Variants in NEDD4 observed in about 807,000 individuals in gnomAD.
NEDD4 encodes the protein NEDD4 E3 ubiquitin protein ligase, also known as E3 ubiquitin-protein ligase NEDD4.
A neutral mutation model predicts 144.9 loss-of-function variants in NEDD4; 99 were observed. The observed-to-expected ratio is 0.68, with a 90% CI of 0.58 to 0.81. NEDD4 has a LOEUF of 0.81. NEDD4 is among the 30% of genes least tolerant of loss of function. The pLI, the probability that NEDD4 is intolerant of heterozygous loss-of-function variation, is 0.00. For synonymous variants in NEDD4, 318 were observed against 350.6 expected, an observed-to-expected ratio of 0.91 and a Z score of 1.04; for missense variants, 985 against 1,065.9, an observed-to-expected ratio of 0.92 and a Z score of 1.06.
At chr15:55,879,079 C>T (rs1169276607) in intron 5 of NEDD4, among the ~76,000 whole-genome samples, 2 of 152,194 alleles carry the variant, frequency 1.3e-5, no homozygotes, top group Non-Finnish European at 2.9e-5. Flanking sequence ...CTGACTTGGA[C>T]TCCCAAAGTG....
At chr15:55,852,393 T>C in intron 13 of NEDD4, 31 bp downstream of exon 13, 1 of 1,595,680 alleles carries the variant, frequency 6.3e-7, no homozygotes, top group Middle Eastern at 1.7e-4. Flanking sequence ...TTAAATCCTG[T>C]AAGAAAGCAA....
At chr15:55,872,169 G>A (rs549378072) in intron 7 of NEDD4, among the ~76,000 whole-genome samples, 1 of 152,106 alleles carries the variant, frequency 6.6e-6, no homozygotes, top group Admixed American at 6.6e-5. Context: ...ATAAGTATTA[G>A]GAGAACGAAT....
intron 15 of NEDD4, 52 bp downstream of exon 15, chr15:55,848,754 C>A (rs377309836): frequency 3.2e-5 from 49 of 1,533,070 alleles, no homozygotes; most frequent in Non-Finnish European, 4.2e-5. Context: ...CCCGAAAATG[C>A]AAAATATTTG....
At chr15:55,916,679 C>G in intron 5 of NEDD4, 2 of 1,614,040 alleles carry the variant, frequency 1.2e-6, no homozygotes, top group African/African-American at 1.3e-5. Flanking sequence ...GTCTGGGAGT[C>G]AGCTTCATTT....
chr15:55,941,225 G>A (rs1235727232), intron 4 of NEDD4, among the ~76,000 whole-genome samples: 2 of 151,608 alleles, frequency 1.3e-5, no homozygotes, highest in Non-Finnish European at 2.9e-5. Context: ...CCATTTTCTT[G>A]TCCATTGATT....
chr15:55,861,317 T>G lies in NEDD4; in HGVS notation c.675-539A>C, dbSNP rs1049734816. Among the ~76,000 whole-genome samples the G allele has an allele frequency of 2.0e-5, 3 of 152,238 alleles. No homozygotes were observed. The East Asian group carries it at 5.8e-4, about 29-fold the overall frequency. On this transcript the variant is annotated intron_variant, in intron 9 of 28. Transcript: ENST00000435532. ...GGTTTAGGAATTACATATCTATTAG[T>G]AATGGTATCTGTTTTTCGTAATATA... is the stretch of plus-strand genomic sequence containing the variant.
chr15:55,977,263 T>C (rs577332886), intron 1 of NEDD4, among the ~76,000 whole-genome samples: 1 of 152,330 alleles, frequency 6.6e-6, no homozygotes, highest in South Asian at 2.1e-4. Flanking sequence ...TTTCTATGTT[T>C]TGGTACACAA....
chr15:55,831,524 G>A (rs2032950039), intron 27 of NEDD4, among the ~76,000 whole-genome samples: 1 of 152,168 alleles, frequency 6.6e-6, no homozygotes, highest in South Asian at 2.1e-4. Flanking sequence ...GAAGATGGAG[G>A]AAGGGGAGTC....
chr15:55,879,190 A>G (rs1320616474), intron 5 of NEDD4, among the ~76,000 whole-genome samples: 1 of 152,250 alleles, frequency 6.6e-6, no homozygotes, highest in African/African-American at 2.4e-5. Context: ...TTACATGAAC[A>G]GTAAAAGAAA....
chr15:55,838,091 C>G lies in NEDD4; in HGVS notation c.2201+16G>C, dbSNP rs1595728459. 1 of 1,333,210 alleles carries G rather than the reference C, an allele frequency of 7.5e-7. No individual in the cohort carries two copies. The highest frequency in any genetic ancestry group is 1.0e-6 in the Non-Finnish European group (1 of 957,026). 82.6% of individuals were successfully genotyped at this position (1,333,210 alleles called of 1,614,324 possible). ...AAAATTATATCCAATAAAATACATA[C>G]TAATAAAATACTTACTAAATATATT... On this transcript the variant is annotated intron_variant, in intron 23 of 28. Transcript: ENST00000435532.
intron 5 of NEDD4, among the ~76,000 whole-genome samples, chr15:55,898,075 A>G (rs746320213): frequency 5.9e-5 from 9 of 152,364 alleles, no homozygotes; most frequent in Non-Finnish European, 1.3e-4. Flanking sequence ...TGAAATCCAC[A>G]ACTCAAGTGG....
At chr15:55,926,339 C>T (rs74962702) in intron 4 of NEDD4, among the ~76,000 whole-genome samples, 1 of 152,122 alleles carries the variant, frequency 6.6e-6, no homozygotes, top group African/African-American at 2.4e-5. Context: ...AGAGATGTCC[C>T]TTTTGCCCCT....
At chr15:55,900,480 T>C (rs554493077) in intron 5 of NEDD4, among the ~76,000 whole-genome samples, 147 of 152,312 alleles carry the variant, frequency 9.7e-4, no homozygotes, top group Admixed American at 2.7e-3. Flanking sequence ...TCCAAAATTA[T>C]GGTATCAGTA....
At chr15:55,832,398 C>T (rs1479346821) in intron 27 of NEDD4, among the ~76,000 whole-genome samples, 1 of 152,092 alleles carries the variant, frequency 6.6e-6, no homozygotes, top group Non-Finnish European at 1.5e-5. Flanking sequence ...CTATCCTGAA[C>T]TATCACATTA....
At chr15:55,978,167 G>C (rs1299470710) in intron 1 of NEDD4, among the ~76,000 whole-genome samples, 1 of 152,042 alleles carries the variant, frequency 6.6e-6, no homozygotes, top group Admixed American at 6.6e-5. Context: ...CAGCCTCCTG[G>C]GGAAAATGTA....
At chr15:55,862,889 A>G in intron 9 of NEDD4, 24 bp downstream of exon 9, 1 of 1,542,372 alleles carries the variant, frequency 6.5e-7, no homozygotes, top group Non-Finnish European at 8.8e-7. Context: ...CCAGATTAAA[A>G]TTGTGAAAGC....
intron 5 of NEDD4, among the ~76,000 whole-genome samples, chr15:55,905,898 T>G (rs1372319350): frequency 2.6e-5 from 4 of 152,196 alleles, no homozygotes; most frequent in Non-Finnish European, 5.9e-5. Flanking sequence ...TTTGTCAATT[T>G]TGGCTTTTGT....
At chr15:55,967,466 GTGTGTGTGTA>G (rs1307194104) in intron 1 of NEDD4, among the ~76,000 whole-genome samples, 39 of 144,232 alleles carry the variant, frequency 2.7e-4, no homozygotes, top group East Asian at 6.8e-4. Context: ...GTGTGTGTGT[GTGTGTGTGTA>G]TGTGTGTGTA....
chr15:55,872,407 T>A lies in NEDD4; in HGVS notation c.404+8A>T, dbSNP rs1361596549. ...TTAATATGCTATTATTATTTTATAT[T>A]TACTGACCTTCTTGGATGAAGAACA... On this transcript the variant is annotated splice_region_variant and intron_variant, in intron 7 of 28. Coordinates refer to ENST00000435532, the MANE Select transcript of NEDD4 (RefSeq NM_006154.4). The A allele has an allele frequency of 2.2e-6, 3 of 1,364,470 alleles. No homozygotes were observed. The highest frequency in any genetic ancestry group is 3.0e-6 in the Non-Finnish European group (3 of 1,003,618). 84.5% of individuals were successfully genotyped at this position (1,364,470 alleles called of 1,614,324 possible).
Sources: gnomAD v4.1 joint callset for allele counts (sites outside exome capture counted in the v4.1 genomes callset) on GRCh38, gnomAD v4.1.1 for gene constraint, MANE v1.5 for transcripts, NCBI Gene and HGNC (gene_info 2026-07-23, HGNC 2026-07-21) for gene names.